STK32B: variants seen among roughly 807,000 people sequenced by gnomAD.
The protein encoded by STK32B is serine/threonine-protein kinase 32B.
A neutral mutation model predicts 52.6 loss-of-function variants in STK32B; 43 were observed. That is an observed-to-expected ratio of 0.82 (90% CI 0.64 to 1.05). The LOEUF (loss-of-function observed/expected upper bound fraction) is 1.05, where lower values mean the gene tolerates loss of function less well. Among genes scored for constraint, STK32B ranks in the 50% least tolerant of loss-of-function variants. The probability of loss-of-function intolerance (pLI) is 0.00; values close to 1 mark genes in which losing one functional copy is unlikely to be tolerated. For missense variants in STK32B, 621 were observed against 534.6 expected, an observed-to-expected ratio of 1.16 and a Z score of -1.59; for synonymous variants, 238 against 204.3, an observed-to-expected ratio of 1.17 and a Z score of -1.41.
the STK32B span, among the ~76,000 whole-genome samples, chr4:5,033,242 G>A: frequency 1.3e-5 from 2 of 152,088 alleles, no homozygotes; most frequent in Non-Finnish European, 2.9e-5. Flanking sequence ...CTTACAACAC[G>A]GTAGGTGATA....
Position 5,399,130 on chromosome 4 carries a change from A to T in STK32B, c.472+886A>T, listed in dbSNP as rs1737118452. 6.6e-6 allele frequency among the ~76,000 whole-genome samples: 1 copy of T among 152,188 alleles called. No individual in the cohort carries two copies. Among genetic ancestry groups the T allele is most frequent in the Admixed American group, 6.5e-5 (1 of 15,280 alleles). ...CAATTGTGGCTGATGCCAACAGGAG[A>T]CTTACAGCCTTCAAAACTAAATTCA... On this transcript the variant is annotated intron_variant, in intron 5 of 11. Transcript: ENST00000282908. The surrounding 1 kb of genome is among the most constrained non-coding windows in gnomAD (Gnocchi z 5.4).
chr4:5,119,941 T>C (rs1245758263), intron 1 of STK32B, among the ~76,000 whole-genome samples: 2 of 152,236 alleles, frequency 1.3e-5, no homozygotes, highest in Non-Finnish European at 2.9e-5. Context: ...AGTACATTAG[T>C]CCCCCTTATC....
chr4:5,493,068 T>A (rs941223488), intron 11 of STK32B, among the ~76,000 whole-genome samples: 1 of 151,418 alleles, frequency 6.6e-6, no homozygotes, highest in Admixed American at 6.5e-5. Flanking sequence ...TGCCTGGCTT[T>A]GGTATCAGGA....
rs943252557 is a variant in STK32B, at chr4:5,418,225, G to A, written c.562+1291G>A. 5.9e-5 allele frequency among the ~76,000 whole-genome samples: 9 copies of A among 152,174 alleles called. 1 individual carries two copies. Among genetic ancestry groups the A allele is most frequent in the Admixed American group, 5.9e-4 (9 of 15,276 alleles). On this transcript the variant is annotated intron_variant, in intron 6 of 11. Transcript: ENST00000282908. ...CTGTTTTATCAGCACATCTTTCTGTGTGTTTTTATTGCAATGATGTTATTC... is the reference window on the plus strand; with the variant it reads ...CTGTTTTATCAGCACATCTTTCTGTATGTTTTTATTGCAATGATGTTATTC...
At chr4:5,308,444 G>A (rs6829618) in intron 3 of STK32B, among the ~76,000 whole-genome samples, 36,157 of 152,082 alleles carry the variant, frequency 0.24, 7,060 homozygotes, top group African/African-American at 0.55. Context: ...ACACTCTTCC[G>A]ATGCCTCAGT....
intron 2 of STK32B, among the ~76,000 whole-genome samples, chr4:5,156,284 TATATA>T (rs1717837524): frequency 6.6e-6 from 1 of 151,936 alleles, no homozygotes; most frequent in African/African-American, 2.4e-5. Flanking sequence ...GCATGAATAT[TATATA>T]AATAAATAAA....
At chr4:5,300,186 G>A (rs2108895421) in intron 3 of STK32B, among the ~76,000 whole-genome samples, 1 of 152,204 alleles carries the variant, frequency 6.6e-6, no homozygotes. Context: ...CAAACCATAT[G>A]ATCATCTCAA....
chr4:5,448,873 T>A (rs1176416912), intron 7 of STK32B, among the ~76,000 whole-genome samples: 1 of 152,202 alleles, frequency 6.6e-6, no homozygotes, highest in Non-Finnish European at 1.5e-5. Context: ...ATTCTCTGTT[T>A]TTCATACTGG....
chr4:5,319,611 C>G (rs1477401303), intron 3 of STK32B, among the ~76,000 whole-genome samples: 2 of 152,206 alleles, frequency 1.3e-5, no homozygotes, highest in Non-Finnish European at 2.9e-5. Context: ...CACCACTCCT[C>G]TCAGCCTTTG....
intron 3 of STK32B, among the ~76,000 whole-genome samples, chr4:5,270,269 G>C (rs1267596021): frequency 1.3e-5 from 2 of 152,316 alleles, no homozygotes; most frequent in South Asian, 2.1e-4. Flanking sequence ...AGGGAAGCCA[G>C]TTTGAGTCCC....
At chr4:5,361,244 C>A (rs1734528998) in intron 4 of STK32B, among the ~76,000 whole-genome samples, 1 of 152,150 alleles carries the variant, frequency 6.6e-6, no homozygotes, top group African/African-American at 2.4e-5. Context: ...CTTGCTCCCA[C>A]CTTTTGGCTA....
At chr4:5,176,959 C>T (rs868342986) in intron 3 of STK32B, among the ~76,000 whole-genome samples, 11 of 152,330 alleles carry the variant, frequency 7.2e-5, no homozygotes, top group Middle Eastern at 3.4e-3. Flanking sequence ...TGGGCCTCAA[C>T]TTCCTCACTT....
rs1428443341 is a variant in STK32B at position 5,368,721 on chromosome 4, T to C, written c.435-29486T>C. 3.3e-5 allele frequency among the ~76,000 whole-genome samples: 5 copies of C among 152,170 alleles called. No individual in the cohort carries two copies. In the South Asian group the frequency reaches 6.2e-4, roughly 19 times the overall value. ...TGAGTATTCCAGGGTGAACCCTCCA[T>C]CTTCCACCTTCCTGCAGTTCCTGTC... On this transcript the variant is annotated intron_variant, in intron 4 of 11. Coordinates refer to ENST00000282908, the MANE Select transcript of STK32B (RefSeq NM_018401.3).
At chr4:5,311,612 G>C (rs1241592464) in intron 3 of STK32B, among the ~76,000 whole-genome samples, 1 of 152,000 alleles carries the variant, frequency 6.6e-6, no homozygotes, top group Non-Finnish European at 1.5e-5. Flanking sequence ...TACCAACACA[G>C]ATTCTGCAGC....
chr4:5,127,823 G>A (rs1462237348), intron 1 of STK32B, among the ~76,000 whole-genome samples: 4 of 152,086 alleles, frequency 2.6e-5, no homozygotes, highest in Non-Finnish European at 1.5e-5. Flanking sequence ...TAGGGACCTC[G>A]TGGGAGGTAA....
intron 1 of STK32B, among the ~76,000 whole-genome samples, chr4:5,111,250 C>T (rs1485775922): frequency 1.3e-5 from 2 of 152,162 alleles, no homozygotes; most frequent in Non-Finnish European, 2.9e-5. Flanking sequence ...GACTCAACAA[C>T]TCCACTACTG....
intron 3 of STK32B, among the ~76,000 whole-genome samples, chr4:5,179,389 A>G (rs1362837798): frequency 6.6e-6 from 1 of 152,228 alleles, no homozygotes; most frequent in African/African-American, 2.4e-5. Context: ...TATCAGCTAT[A>G]TCAGATAAAT....
chr4:5,484,843 T>G (rs1326647258), intron 11 of STK32B, among the ~76,000 whole-genome samples: 1 of 152,184 alleles, frequency 6.6e-6, no homozygotes, highest in Non-Finnish European at 1.5e-5. Flanking sequence ...CTCCTTCACT[T>G]ATGAAGCATA....
At chr4:5,412,025 A>G (rs1287212022) in intron 5 of STK32B, among the ~76,000 whole-genome samples, 3 of 152,202 alleles carry the variant, frequency 2.0e-5, no homozygotes, top group African/African-American at 7.2e-5. Flanking sequence ...CCAAGAAGTC[A>G]AGAGGGAAGA....
Sources: allele counts gnomAD v4.1 joint callset (sites outside exome capture counted in the v4.1 genomes callset), GRCh38; gene constraint gnomAD v4.1.1; non-coding constraint Gnocchi (gnomAD v3.1); transcripts MANE v1.5; gene names NCBI Gene and HGNC (gene_info 2026-07-23, HGNC 2026-07-21).